NELL1: variants seen among roughly 807,000 people sequenced by gnomAD.
NELL1 encodes protein kinase C-binding protein NELL1.
In NELL1, 76 loss-of-function variants were observed where a neutral mutation model predicts 107.4. That is an observed-to-expected ratio of 0.71 (90% CI 0.59 to 0.86). The LOEUF (loss-of-function observed/expected upper bound fraction) is 0.86. Among genes scored for constraint, NELL1 ranks in the 40% least tolerant of loss-of-function variants. The pLI, the probability that NELL1 is intolerant of heterozygous loss-of-function variation, is 0.00. For synonymous variants in NELL1, 353 were observed against 341.2 expected (o/e 1.03, Z -0.38); for missense variants, 1,024 against 1,005.5 (o/e 1.02, Z -0.25).
At chr11:20,858,694 G>A (rs1022781386) in intron 4 of NELL1, among the ~76,000 whole-genome samples, 7 of 152,210 alleles carry the variant, frequency 4.6e-5, no homozygotes, top group African/African-American at 1.7e-4. Context: ...CCAAGCCGCT[G>A]TTTGCAGATG....
intron 15 of NELL1, among the ~76,000 whole-genome samples, chr11:21,414,260 A>G (rs553262276): frequency 6.6e-6 from 1 of 152,050 alleles, no homozygotes; most frequent in Non-Finnish European, 1.5e-5. Context: ...TCAAGAAAGA[A>G]AGAACTGATG....
At chr11:21,473,292 TG>T (rs1854229629) in intron 15 of NELL1, among the ~76,000 whole-genome samples, 1 of 151,992 alleles carries the variant, frequency 6.6e-6, no homozygotes, top group Non-Finnish European at 1.5e-5. Flanking sequence ...TACAAGCCTC[TG>T]GATCTCTAGG....
At chr11:21,338,241 G>A (rs1265664955) in intron 14 of NELL1, among the ~76,000 whole-genome samples, 2 of 152,338 alleles carry the variant, frequency 1.3e-5, no homozygotes, top group African/African-American at 2.4e-5. Flanking sequence ...ACACTCAACA[G>A]TGCTTGCTAA....
At chr11:20,872,951 A>T (rs979676011) in intron 4 of NELL1, among the ~76,000 whole-genome samples, 2 of 152,182 alleles carry the variant, frequency 1.3e-5, no homozygotes, top group African/African-American at 4.8e-5. Context: ...AACAAGTAGC[A>T]GATAGTGGTT....
At chr11:20,969,239 A>G (rs922068053) in intron 12 of NELL1, among the ~76,000 whole-genome samples, 1 of 151,978 alleles carries the variant, frequency 6.6e-6, no homozygotes, top group African/African-American at 2.4e-5. Context: ...GATTTATTCT[A>G]TCCTCAATAT....
intron 15 of NELL1, among the ~76,000 whole-genome samples, chr11:21,443,697 G>A (rs1853348905): frequency 6.6e-6 from 1 of 151,782 alleles, no homozygotes; most frequent in Non-Finnish European, 1.5e-5. Flanking sequence ...AGATCAGCCT[G>A]ACCACTTGGG....
intron 4 of NELL1, among the ~76,000 whole-genome samples, chr11:20,874,982 C>G (rs935226436): frequency 6.6e-6 from 1 of 152,206 alleles, no homozygotes; most frequent in Non-Finnish European, 1.5e-5. Context: ...CCCTCACAAT[C>G]TTTTCTGATT....
At chr11:20,921,043 A>T (rs1410627436) in intron 7 of NELL1, among the ~76,000 whole-genome samples, 1 of 152,160 alleles carries the variant, frequency 6.6e-6, no homozygotes, top group Non-Finnish European at 1.5e-5. Flanking sequence ...AAGCATTGGC[A>T]AACTTTTTCT....
chr11:20,967,455 G>C (rs545560232), intron 12 of NELL1, among the ~76,000 whole-genome samples: 1 of 152,140 alleles, frequency 6.6e-6, no homozygotes, highest in South Asian at 2.1e-4. Flanking sequence ...AAGATATCCT[G>C]AGTTCCAGGG....
Position 21,554,966 on chromosome 11 carries a change from T to C in NELL1, c.1787-5223T>C, listed in dbSNP as rs546183383. Among the ~76,000 whole-genome samples the C allele has an allele frequency of 2.6e-5, 4 of 152,068 alleles. No homozygotes were observed. In the East Asian group the frequency reaches 7.8e-4, roughly 30 times the overall value. On this transcript the variant is annotated intron_variant, in intron 16 of 19. Transcript: ENST00000357134. ...TAAGCTTTCAATTGGTATGCTATAC[T>C]TCTTCCACTAAGGAGAAAGAGAAAC...
chr11:21,309,288 ATATATATATATG>A (rs202144413), intron 14 of NELL1, among the ~76,000 whole-genome samples: 1,182 of 117,256 alleles, frequency 0.01, 25 homozygotes, highest in Admixed American at 0.015. Flanking sequence ...ATGTATATAT[ATATATATATATG>A]TATATATATA....
At chr11:21,178,467 T>C (rs1049749330) in intron 13 of NELL1, among the ~76,000 whole-genome samples, 1 of 151,848 alleles carries the variant, frequency 6.6e-6, no homozygotes, top group Non-Finnish European at 1.5e-5. Context: ...TATTTCTTTT[T>C]CAATTATAAA....
intron 13 of NELL1, among the ~76,000 whole-genome samples, chr11:21,147,114 T>C (rs1257809313): frequency 6.6e-6 from 1 of 152,162 alleles, no homozygotes; most frequent in Non-Finnish European, 1.5e-5. Flanking sequence ...CTTCTAAAAG[T>C]GGTACTGAAG....
chr11:20,751,990 T>G (rs1410870989), intron 2 of NELL1, among the ~76,000 whole-genome samples: 1 of 152,216 alleles, frequency 6.6e-6, no homozygotes, highest in East Asian at 1.9e-4. Flanking sequence ...TCTATAAGGT[T>G]TTCTTCATTT....
At chr11:21,030,177 C>T (rs1448833738) in intron 12 of NELL1, among the ~76,000 whole-genome samples, 1 of 152,144 alleles carries the variant, frequency 6.6e-6, no homozygotes, top group African/African-American at 2.4e-5. Context: ...CTTGGTGAAA[C>T]AGGCATCTTG....
chr11:21,409,145 G>A (rs1423830148), intron 15 of NELL1, among the ~76,000 whole-genome samples: 4 of 152,006 alleles, frequency 2.6e-5, no homozygotes, highest in African/African-American at 4.8e-5. Context: ...TGTTTATTGC[G>A]GCACTATTAT....
intron 15 of NELL1, among the ~76,000 whole-genome samples, chr11:21,433,657 T>G (rs1198254079): frequency 2.6e-5 from 4 of 152,078 alleles, no homozygotes; most frequent in Non-Finnish European, 5.9e-5. Flanking sequence ...TTTATATGTC[T>G]GATGGAATTT....
At chr11:21,442,327 T>A (rs1853305425) in intron 15 of NELL1, among the ~76,000 whole-genome samples, 1 of 152,166 alleles carries the variant, frequency 6.6e-6, no homozygotes, top group Non-Finnish European at 1.5e-5. Flanking sequence ...TATTGGTTTG[T>A]GTGTATGTTA....
intron 15 of NELL1, among the ~76,000 whole-genome samples, chr11:21,407,310 G>A (rs900918218): frequency 6.6e-6 from 1 of 152,030 alleles, no homozygotes; most frequent in African/African-American, 2.4e-5. Flanking sequence ...TAACTACTCA[G>A]GAGGCTGAGG....
Sources: allele counts gnomAD v4.1 joint callset (sites outside exome capture counted in the v4.1 genomes callset), GRCh38; gene constraint gnomAD v4.1.1; transcripts MANE v1.5; gene names NCBI Gene and HGNC (gene_info 2026-07-23, HGNC 2026-07-21).